ITGA9: variants seen among roughly 807,000 people sequenced by gnomAD.
ITGA9 encodes integrin subunit alpha 9, also known as integrin alpha-9.
Under a neutral mutation model 127.8 loss-of-function variants are expected in ITGA9, and 56 were observed. The observed-to-expected ratio is 0.44, with a 90% CI of 0.35 to 0.55. The LOEUF is 0.55. ITGA9 is among the 20% of genes least tolerant of loss of function. The probability of loss-of-function intolerance (pLI) is 0.00; values close to 1 mark genes in which losing one functional copy is unlikely to be tolerated. For synonymous variants in ITGA9, 508 were observed against 514.5 expected (o/e 0.99, Z 0.17); for missense variants, 1,196 against 1,347.1 (o/e 0.89, Z 1.76).
chr3:37,623,687 GTGTC>G (rs1383065903), intron 15 of ITGA9, among the ~76,000 whole-genome samples: 15 of 88,098 alleles, frequency 1.7e-4, no homozygotes, highest in Admixed American at 1.2e-3. Context: ...GTGTGTGTGT[GTGTC>G]TGTGTGTGTG....
intron 15 of ITGA9, among the ~76,000 whole-genome samples, chr3:37,577,330 G>T (rs1462713802): frequency 6.6e-6 from 1 of 152,224 alleles, no homozygotes; most frequent in East Asian, 1.9e-4. Context: ...AAGGAATCCT[G>T]GCTGGGCATT....
intron 14 of ITGA9, among the ~76,000 whole-genome samples, chr3:37,536,493 CCTG>C (rs1395321344): frequency 6.6e-6 from 1 of 152,250 alleles, no homozygotes; most frequent in African/African-American, 2.4e-5. Flanking sequence ...AGCTACATGA[CCTG>C]CTCTCTGAGG....
chr3:37,723,886 A>G (rs1257030327), intron 18 of ITGA9, among the ~76,000 whole-genome samples: 3 of 152,206 alleles, frequency 2.0e-5, no homozygotes, highest in Non-Finnish European at 4.4e-5. Context: ...TCTGATTGCA[A>G]CTGCTTTCCC....
chr3:37,732,919 G>A (rs775891027), intron 19 of ITGA9, 121 bp downstream of exon 19: 1 of 767,264 alleles, frequency 1.3e-6, no homozygotes, highest in Non-Finnish European at 2.3e-6. Context: ...ATAGCAGCTG[G>A]GGCGGCCACT....
intron 22 of ITGA9, chr3:37,748,404 C>T (rs2125536723): frequency 1.7e-6 from 1 of 596,158 alleles, no homozygotes; most frequent in Non-Finnish European, 3.2e-6. Context: ...ACATTAAGCA[C>T]TCTAAGAGCC....
chr3:37,810,785 G>A (rs1697359583), intron 27 of ITGA9, among the ~76,000 whole-genome samples: 1 of 152,250 alleles, frequency 6.6e-6, no homozygotes, highest in East Asian at 1.9e-4. Flanking sequence ...CCCTGAAGGT[G>A]AGCAGGACTT....
rs944259541 is a variant in ITGA9, at chr3:37,819,226, A to G, written c.*237A>G. On this transcript the variant is annotated 3_prime_UTR_variant, in exon 28 of 28. Transcript: ENST00000264741. ...AACTCTGAACTTTGGAGAGTGAGCT[A>G]CAGAGCCGAGCAATATTTATGGATG... 5.1e-6 allele frequency: 3 copies of G among 582,968 alleles called. No homozygotes were observed. The highest frequency in any genetic ancestry group is 1.9e-5 in the African/African-American group (1 of 53,464). 36.1% of individuals were successfully genotyped at this position (582,968 alleles called of 1,614,324 possible).
intron 14 of ITGA9, among the ~76,000 whole-genome samples, chr3:37,541,033 G>A (rs926429072): frequency 5.3e-5 from 8 of 152,216 alleles, no homozygotes; most frequent in African/African-American, 1.2e-4. Context: ...TCAAAAATAC[G>A]CCCTGTGGCA....
Position 37,494,523 on chromosome 3 carries a change from G to A in ITGA9, c.567G>A (p.Glu189=). 1.2e-6 allele frequency: 2 copies of A among 1,613,734 alleles called. No individual in the cohort carries two copies. The highest frequency in any genetic ancestry group is 1.7e-6 in the Non-Finnish European group (2 of 1,179,630). Residue 189 remains glutamate, a synonymous_variant, in exon 5 of 28, where the codon GAG becomes GAA. Transcript: ENST00000264741. The stretch of plus-strand genomic sequence containing the variant: ...TAGAGTATAAGAAGAAGTACGGAGA[G>A]GAACACGGCTCCTGCCAGGCTGGGA... ...CYEEYKKKYG[E]EHGSCQAGIA... is the part of the protein sequence containing the mutation.
chr3:37,737,225 G>A (rs1696374225), intron 20 of ITGA9, among the ~76,000 whole-genome samples: 4 of 152,328 alleles, frequency 2.6e-5, no homozygotes, highest in African/African-American at 9.6e-5. Context: ...GCCACTCAGA[G>A]GTGATGATTC....
At chr3:37,509,790 C>T (rs1161346629) in intron 8 of ITGA9, among the ~76,000 whole-genome samples, 1 of 152,086 alleles carries the variant, frequency 6.6e-6, no homozygotes, top group Non-Finnish European at 1.5e-5. Context: ...GACTGTGAGC[C>T]ATTCTGCAAA....
At chr3:37,775,415 C>T (rs998757310) in intron 23 of ITGA9, among the ~76,000 whole-genome samples, 6 of 151,956 alleles carry the variant, frequency 3.9e-5, no homozygotes, top group East Asian at 3.9e-4. Context: ...GAGGCCGAGG[C>T]GGGCGGATCA....
At chr3:37,520,296 C>T (rs918877636) in intron 11 of ITGA9, among the ~76,000 whole-genome samples, 3 of 152,258 alleles carry the variant, frequency 2.0e-5, no homozygotes, top group East Asian at 1.9e-4. Context: ...CTTTGGGAGG[C>T]GCTGCGAAGA....
chr3:37,779,747 T>C (rs1279341122), intron 24 of ITGA9, among the ~76,000 whole-genome samples, 155 bp from the exon 25 acceptor site: 1 of 152,234 alleles, frequency 6.6e-6, no homozygotes, highest in Non-Finnish European at 1.5e-5. Context: ...GAATGCCCTC[T>C]GGTGGCGAGA....
At chr3:37,748,490 G>A (rs1033643814) in intron 22 of ITGA9, 7 of 544,072 alleles carry the variant, frequency 1.3e-5, no homozygotes, top group South Asian at 1.6e-5. Flanking sequence ...GCTCACGCCT[G>A]TAATCCTAAC....
At chr3:37,751,475 C>T (rs1418791643) in intron 23 of ITGA9, among the ~76,000 whole-genome samples, 1 of 152,120 alleles carries the variant, frequency 6.6e-6, no homozygotes, top group Non-Finnish European at 1.5e-5. Flanking sequence ...GAGTTGTTCA[C>T]GTGAACATCT....
intron 18 of ITGA9, among the ~76,000 whole-genome samples, chr3:37,712,498 A>G (rs1055238268): frequency 2.0e-5 from 3 of 152,324 alleles, no homozygotes; most frequent in Non-Finnish European, 2.9e-5. Context: ...AGTGACAGCA[A>G]TAGAAAACCT....
intron 16 of ITGA9, among the ~76,000 whole-genome samples, chr3:37,630,945 G>A (rs537532975): frequency 1.3e-5 from 2 of 152,262 alleles, no homozygotes; most frequent in East Asian, 1.9e-4. Context: ...GAAGAGGCAG[G>A]GCAGGAAGCT....
At chr3:37,477,252 C>T (rs1698503411) in intron 3 of ITGA9, among the ~76,000 whole-genome samples, 2 of 152,128 alleles carry the variant, frequency 1.3e-5, no homozygotes, top group African/African-American at 4.8e-5. Flanking sequence ...CCAGTATCCC[C>T]AAGGAGCACA....
Sources: gnomAD v4.1 joint callset for allele counts (sites outside exome capture counted in the v4.1 genomes callset) on GRCh38, gnomAD v4.1.1 for gene constraint, MANE v1.5 for transcripts, NCBI Gene and HGNC (gene_info 2026-07-23, HGNC 2026-07-21) for gene names.